TAF1B: variants seen among roughly 807,000 people sequenced by gnomAD.
TAF1B encodes the protein TATA box-binding protein-associated factor RNA polymerase I subunit B.
Under a neutral mutation model 83.9 loss-of-function variants are expected in TAF1B, and 61 were observed. The observed-to-expected ratio is 0.73, with a 90% CI of 0.59 to 0.90. The LOEUF is 0.90. TAF1B is among the 40% of genes least tolerant of loss of function. The pLI is 0.00. For synonymous variants in TAF1B, 221 were observed against 224.6 expected (o/e 0.98, Z 0.14); for missense variants, 625 against 677.0 (o/e 0.92, Z 0.85).
At chr2:9,879,828 T>G (rs1337659731) in intron 7 of TAF1B, among the ~76,000 whole-genome samples, 1 of 152,134 alleles carries the variant, frequency 6.6e-6, no homozygotes, top group Non-Finnish European at 1.5e-5. Flanking sequence ...AATTCAGTGG[T>G]TTTCAATATG....
At chr2:9,869,404 T>C (rs1376048221) in intron 6 of TAF1B, among the ~76,000 whole-genome samples, 2 of 151,810 alleles carry the variant, frequency 1.3e-5, no homozygotes, top group African/African-American at 4.8e-5. Flanking sequence ...TTTGTATTTT[T>C]AGTAGAGATG....
intron 2 of TAF1B, chr2:9,846,251 A>G (rs1663204212): frequency 2.5e-6 from 1 of 393,550 alleles, no homozygotes; most frequent in South Asian, 2.0e-5. Flanking sequence ...AGAGATTGTC[A>G]TATTGTCCTG....
chr2:9,933,634 ATTC>A, intron 14 of TAF1B, 146 bp from the exon 15 acceptor site: 1 of 643,728 alleles, frequency 1.6e-6, no homozygotes, highest in East Asian at 2.8e-5. Flanking sequence ...GAGTTAACAA[ATTC>A]TTCTAAGTTT....
intron 8 of TAF1B, among the ~76,000 whole-genome samples, chr2:9,896,506 G>A (rs1047791429): frequency 5.3e-5 from 8 of 151,444 alleles, no homozygotes; most frequent in African/African-American, 1.7e-4. Flanking sequence ...AGGAGATGGC[G>A]ATGAAGATAT....
At chr2:9,930,372 T>A (rs951556347) in intron 14 of TAF1B, among the ~76,000 whole-genome samples, 1 of 152,254 alleles carries the variant, frequency 6.6e-6, no homozygotes, top group African/African-American at 2.4e-5. Context: ...TTCTGGTATG[T>A]TGTGTCTTTG....
rs1231860263 is a variant in TAF1B, at chr2:9,933,995, T to C, written c.*11T>C. 4.5e-6 allele frequency: 7 copies of C among 1,569,476 alleles called. No individual in the cohort carries two copies. The highest frequency in any genetic ancestry group is 6.0e-6 in the Non-Finnish European group (7 of 1,159,616). ...GTGAGACGACATTGAGAAAATGAAA[T>C]AGAAACTTTCTGGAAAAATATTTTA... On this transcript the variant is annotated 3_prime_UTR_variant, in exon 15 of 15. Transcript: ENST00000263663.
chr2:9,887,293 T>C (rs534640242), intron 8 of TAF1B, among the ~76,000 whole-genome samples: 1 of 152,362 alleles, frequency 6.6e-6, no homozygotes, highest in African/African-American at 2.4e-5. Context: ...TGCTCTTTGA[T>C]CTGAAACCAT....
intron 6 of TAF1B, among the ~76,000 whole-genome samples, chr2:9,870,897 T>C (rs899131154): frequency 2.0e-5 from 3 of 152,230 alleles, no homozygotes; most frequent in Non-Finnish European, 4.4e-5. Context: ...TTCTGTTTAT[T>C]ACTAATCCAT....
chr2:9,869,128 C>T (rs1016631175), intron 6 of TAF1B, among the ~76,000 whole-genome samples: 3 of 152,174 alleles, frequency 2.0e-5, no homozygotes, highest in African/African-American at 2.4e-5. Context: ...GTAAAACCAT[C>T]GAACCTTTTT....
intron 8 of TAF1B, among the ~76,000 whole-genome samples, chr2:9,891,403 T>C (rs1383757213): frequency 6.6e-6 from 1 of 152,240 alleles, no homozygotes; most frequent in African/African-American, 2.4e-5. Flanking sequence ...ATTTTTTTGG[T>C]ATGCTTAATT....
chr2:9,847,319 A>C (rs935108809), intron 2 of TAF1B, among the ~76,000 whole-genome samples: 3 of 152,216 alleles, frequency 2.0e-5, no homozygotes, highest in African/African-American at 4.8e-5. Flanking sequence ...TACGTGTTGC[A>C]CAACTTCAGT....
At chr2:9,893,800 G>C (rs1664940871) in intron 8 of TAF1B, among the ~76,000 whole-genome samples, 1 of 152,110 alleles carries the variant, frequency 6.6e-6, no homozygotes, top group South Asian at 2.1e-4. Flanking sequence ...CAGTAAACTA[G>C]TTACCTCTGG....
intron 8 of TAF1B, among the ~76,000 whole-genome samples, chr2:9,901,409 G>T (rs988528515): frequency 9.9e-5 from 15 of 152,120 alleles, no homozygotes; most frequent in African/African-American, 3.6e-4. Flanking sequence ...TGGCCTCTTT[G>T]TCACCAGATG....
rs986426354 is a variant in TAF1B, at chr2:9,875,864, G to A, written c.554-1G>A. The A allele has an allele frequency of 1.8e-5, 28 of 1,573,758 alleles. No individual in the cohort carries two copies. The highest frequency in any genetic ancestry group is 2.3e-5 in the Non-Finnish European group (27 of 1,152,560). On this transcript the variant is annotated splice_acceptor_variant, in intron 6 of 14. Coordinates refer to ENST00000263663, the MANE Select transcript of TAF1B (RefSeq NM_005680.3). LOFTEE classifies it high-confidence loss of function. ...TTAAAAATCTCCATTTATCTCCTAAGAAACGTCTGTCTGCTCTGGATCTCT... is the reference window on the plus strand; with the variant it reads ...TTAAAAATCTCCATTTATCTCCTAAAAAACGTCTGTCTGCTCTGGATCTCT...
intron 2 of TAF1B, among the ~76,000 whole-genome samples, chr2:9,847,789 T>C (rs1472792213): frequency 6.6e-6 from 1 of 152,232 alleles, no homozygotes; most frequent in Admixed American, 6.5e-5. Context: ...GCATGTTTAC[T>C]ATAGAAAATT....
chr2:9,855,096 G>A (rs1467677195), intron 5 of TAF1B, among the ~76,000 whole-genome samples: 1 of 152,158 alleles, frequency 6.6e-6, no homozygotes, highest in Non-Finnish European at 1.5e-5. Flanking sequence ...CCTGGTTCAA[G>A]CAATTCTTCT....
intron 5 of TAF1B, among the ~76,000 whole-genome samples, chr2:9,855,779 A>G (rs1313671030): frequency 6.6e-6 from 1 of 152,232 alleles, no homozygotes; most frequent in Non-Finnish European, 1.5e-5. Context: ...ACATTAGACT[A>G]CAGTTGGGCA....
Position 9,933,818 on chromosome 2 carries a change from A to G in TAF1B, c.1601A>G (p.Asn534Ser), listed in dbSNP as rs200293978. The change falls in exon 15 of 15, where the codon AAT (asparagine) becomes AGT (serine). Residue 534 changes from asparagine to serine, a missense_variant. By Grantham distance (46) the Asn-to-Ser change is conservative. Coordinates refer to ENST00000263663, the MANE Select transcript of TAF1B (RefSeq NM_005680.3). ...CATGTGACAACCTATGAAGAATCAA[A>G]TTATTCTCTGAGTTATCAGTTTATA... ...CTHVTTYEES[N>S]YSLSYQFILN... 2 of 1,613,600 alleles carry G rather than the reference A, an allele frequency of 1.2e-6. No homozygotes were observed. The highest frequency in any genetic ancestry group is 2.2e-5 in the East Asian group (1 of 44,818).
intron 14 of TAF1B, among the ~76,000 whole-genome samples, chr2:9,922,981 C>T (rs915545084): frequency 1.3e-5 from 2 of 152,158 alleles, no homozygotes; most frequent in Non-Finnish European, 2.9e-5. Context: ...TTGGTGGCTC[C>T]ACCTGTAATC....
Sources: allele counts gnomAD v4.1 joint callset (sites outside exome capture counted in the v4.1 genomes callset), GRCh38; gene constraint gnomAD v4.1.1; transcripts MANE v1.5; gene names NCBI Gene and HGNC (gene_info 2026-07-23, HGNC 2026-07-21).